LRRC4C: variants seen among roughly 807,000 people sequenced by gnomAD.
The protein encoded by LRRC4C is leucine rich repeat containing 4C.
In LRRC4C, 5 loss-of-function variants were observed where a neutral mutation model predicts 33.6. That is an observed-to-expected ratio of 0.15 (90% CI 0.08 to 0.31). The LOEUF is 0.31. LRRC4C is among the 10% of genes least tolerant of loss of function. LRRC4C has a pLI of 1.00. For synonymous variants in LRRC4C, 329 were observed against 302.0 expected, an observed-to-expected ratio of 1.09 and a Z score of -0.93; for missense variants, 560 against 796.7, an observed-to-expected ratio of 0.70 and a Z score of 3.58.
intron 1 of LRRC4C, among the ~76,000 whole-genome samples, chr11:41,413,758 C>A (rs1028712020): frequency 6.6e-6 from 1 of 152,086 alleles, no homozygotes; most frequent in African/African-American, 2.4e-5. Context: ...AGTCAAAAAG[C>A]AAAAATTGCG....
chr11:40,224,195 G>T (rs1309348991), intron 5 of LRRC4C, among the ~76,000 whole-genome samples: 3 of 152,126 alleles, frequency 2.0e-5, no homozygotes, highest in Admixed American at 1.3e-4. Flanking sequence ...ATTCTATAGA[G>T]GCTGTCAAAT....
intron 1 of LRRC4C, among the ~76,000 whole-genome samples, chr11:41,051,851 A>G (rs1440107003): frequency 6.6e-6 from 1 of 152,168 alleles, no homozygotes; most frequent in African/African-American, 2.4e-5. Flanking sequence ...ATGCTCTGGC[A>G]TCTAATGCAA....
At chr11:40,457,763 C>G (rs1044705396) in intron 3 of LRRC4C, among the ~76,000 whole-genome samples, 2 of 152,146 alleles carry the variant, frequency 1.3e-5, no homozygotes, top group African/African-American at 4.8e-5. Context: ...AGCATCTTAA[C>G]TAGTCTCCCT....
intron 3 of LRRC4C, among the ~76,000 whole-genome samples, chr11:40,390,274 A>G (rs1465890085): frequency 8.5e-5 from 13 of 152,202 alleles, no homozygotes; most frequent in African/African-American, 3.1e-4. Flanking sequence ...AGCATCAAAC[A>G]TATCTCATTA....
At chr11:40,906,472 C>T (rs1475563200) in intron 2 of LRRC4C, among the ~76,000 whole-genome samples, 1 of 152,190 alleles carries the variant, frequency 6.6e-6, no homozygotes, top group Non-Finnish European at 1.5e-5. Flanking sequence ...GATCTCACCA[C>T]TGCACTCCAG....
At chr11:40,498,878 G>A (rs1360404576) in intron 3 of LRRC4C, among the ~76,000 whole-genome samples, 1 of 152,156 alleles carries the variant, frequency 6.6e-6, no homozygotes, top group Non-Finnish European at 1.5e-5. Context: ...GGCTTTAAAT[G>A]ATCTCAGTGA....
At chr11:41,092,309 T>G (rs910473151) in intron 1 of LRRC4C, among the ~76,000 whole-genome samples, 2 of 152,150 alleles carry the variant, frequency 1.3e-5, no homozygotes, top group Non-Finnish European at 2.9e-5. Context: ...GATGAGAAAG[T>G]AAGCTTTCCA....
chr11:40,271,488 A>G (rs573043813), intron 4 of LRRC4C, among the ~76,000 whole-genome samples: 140 of 152,310 alleles, frequency 9.2e-4, no homozygotes, highest in African/African-American at 3.3e-3. Context: ...GCATAAACTG[A>G]TAGTGGTTAG....
chr11:41,038,316 A>C (rs1362984243), intron 1 of LRRC4C, among the ~76,000 whole-genome samples: 1 of 152,160 alleles, frequency 6.6e-6, no homozygotes, highest in Non-Finnish European at 1.5e-5. Flanking sequence ...GTTGAGGGGG[A>C]TCAGATCCCA....
At chr11:40,878,873 A>G (rs965986637) in intron 2 of LRRC4C, among the ~76,000 whole-genome samples, 1 of 152,136 alleles carries the variant, frequency 6.6e-6, no homozygotes, top group African/African-American at 2.4e-5. Flanking sequence ...TTGAACTGAC[A>G]TTGTTTCCTT....
At chr11:40,621,659 G>A (rs1962463850) in intron 3 of LRRC4C, among the ~76,000 whole-genome samples, 2 of 151,726 alleles carry the variant, frequency 1.3e-5, no homozygotes, top group South Asian at 2.1e-4. Flanking sequence ...GATGCAGGAG[G>A]GATGGAACCT....
chr11:40,752,802 T>C (rs1348820142), intron 2 of LRRC4C, among the ~76,000 whole-genome samples: 2 of 152,080 alleles, frequency 1.3e-5, no homozygotes, highest in Non-Finnish European at 2.9e-5. Context: ...GTCGGTATGT[T>C]AAAGAATACC....
At chr11:40,371,922 G>A (rs940323728) in intron 3 of LRRC4C, among the ~76,000 whole-genome samples, 4 of 152,150 alleles carry the variant, frequency 2.6e-5, no homozygotes, top group African/African-American at 9.7e-5. Context: ...GGTAGATAGG[G>A]CAGGAGCGGC....
intron 3 of LRRC4C, among the ~76,000 whole-genome samples, chr11:40,628,196 G>A (rs1382194914): frequency 1.3e-5 from 2 of 152,272 alleles, no homozygotes; most frequent in African/African-American, 4.8e-5. Flanking sequence ...CTAATTCATC[G>A]GCCGGGCGCG....
chr11:41,209,635 ACT>A (rs1157622942), intron 1 of LRRC4C, among the ~76,000 whole-genome samples: 97 of 145,176 alleles, frequency 6.7e-4, no homozygotes, highest in African/African-American at 2.2e-3. Context: ...ACAGAGTGAG[ACT>A]CTGTCTCAAA....
At chr11:41,239,809 T>C (rs1354293184) in intron 1 of LRRC4C, among the ~76,000 whole-genome samples, 1 of 152,236 alleles carries the variant, frequency 6.6e-6, no homozygotes, top group African/African-American at 2.4e-5. Context: ...TTGTACAGAA[T>C]GATTCCTCAA....
At chr11:40,991,079 CAA>C (rs199778124) in intron 1 of LRRC4C, among the ~76,000 whole-genome samples, 392 of 124,792 alleles carry the variant, frequency 3.1e-3, no homozygotes, top group African/African-American at 0.01. Flanking sequence ...GAGTCTATTA[CAA>C]AAAAAAAAAA....
intron 1 of LRRC4C, among the ~76,000 whole-genome samples, chr11:41,351,046 A>C (rs1278262487): frequency 6.6e-6 from 1 of 152,160 alleles, no homozygotes; most frequent in African/African-American, 2.4e-5. Flanking sequence ...CCTGGGCAAC[A>C]GGACAAGACC....
intron 3 of LRRC4C, among the ~76,000 whole-genome samples, chr11:40,535,732 A>G (rs1956444212): frequency 6.6e-6 from 1 of 152,216 alleles, no homozygotes; most frequent in South Asian, 2.1e-4. Context: ...ATCTCATTAG[A>G]CCAGACATGT....
Sources: gnomAD v4.1 joint callset for allele counts (sites outside exome capture counted in the v4.1 genomes callset) on GRCh38, gnomAD v4.1.1 for gene constraint, MANE v1.5 for transcripts, NCBI Gene and HGNC (gene_info 2026-07-23, HGNC 2026-07-21) for gene names.